Variants in DNM3 observed in about 807,000 individuals in gnomAD.
DNM3 encodes dynamin-3.
A neutral mutation model predicts 101.6 loss-of-function variants in DNM3; 47 were observed. The observed-to-expected ratio is 0.46, with a 90% CI of 0.37 to 0.59. The LOEUF is 0.59. DNM3 is among the 20% of genes least tolerant of loss of function. The pLI, the probability that DNM3 is intolerant of heterozygous loss-of-function variation, is 0.00. For missense variants in DNM3, 849 were observed against 1,085.7 expected, an observed-to-expected ratio of 0.78 and a Z score of 3.06; for synonymous variants, 385 against 387.9, an observed-to-expected ratio of 0.99 and a Z score of 0.09.
At chr1:172,342,083 C>A (rs1301877297) in intron 17 of DNM3, among the ~76,000 whole-genome samples, 3 of 151,884 alleles carry the variant, frequency 2.0e-5, no homozygotes, top group African/African-American at 7.3e-5. Flanking sequence ...GTCAGTATGG[C>A]TACTATTAAA....
At chr1:172,383,197 G>A (rs1309532241) in intron 18 of DNM3, among the ~76,000 whole-genome samples, 4 of 151,900 alleles carry the variant, frequency 2.6e-5, no homozygotes, top group South Asian at 2.1e-4. Context: ...ATTGCTCCCC[G>A]CCAAGGCTAA....
intron 4 of DNM3, among the ~76,000 whole-genome samples, chr1:172,026,665 T>G (rs1169431067): frequency 1.3e-5 from 2 of 151,760 alleles, no homozygotes; most frequent in Non-Finnish European, 2.9e-5. Flanking sequence ...CATGCTTTTT[T>G]TTTTTTTGAG....
chr1:172,196,073 A>G (rs999709917), intron 14 of DNM3, among the ~76,000 whole-genome samples: 5 of 151,562 alleles, frequency 3.3e-5, no homozygotes, highest in African/African-American at 1.2e-4. Flanking sequence ...TCCACCCTCA[A>G]GTAGACCCAG....
intron 1 of DNM3, among the ~76,000 whole-genome samples, chr1:171,909,346 T>A (rs775231324): frequency 4.0e-5 from 6 of 151,594 alleles, no homozygotes; most frequent in Admixed American, 6.6e-5. Context: ...GGTGGGAGAA[T>A]TGCTTGAGTC....
At chr1:171,946,657 T>C (rs2125436534) in intron 2 of DNM3, among the ~76,000 whole-genome samples, 1 of 152,294 alleles carries the variant, frequency 6.6e-6, no homozygotes, top group South Asian at 2.1e-4. Flanking sequence ...GGCTGGATAA[T>C]ATATAAAGGA....
chr1:171,953,380 G>A (rs1311125434), intron 2 of DNM3, among the ~76,000 whole-genome samples: 1 of 150,990 alleles, frequency 6.6e-6, no homozygotes, highest in Non-Finnish European at 1.5e-5. Flanking sequence ...TTAAATAGAT[G>A]AGAACTTAGG....
At chr1:171,857,258 T>C (rs1310543552) in intron 1 of DNM3, among the ~76,000 whole-genome samples, 1 of 152,160 alleles carries the variant, frequency 6.6e-6, no homozygotes, top group Admixed American at 6.6e-5. Flanking sequence ...ACATCTGAGG[T>C]ACCAGTGGGG....
At chr1:172,415,524 G>GTTTTTTTTTTTTTTTTTTTTTTTTTT (rs386368747), downstream of DNM3, 1 of 99,130 alleles carries the variant, frequency 1.0e-5, no homozygotes, top group African/African-American at 4.1e-5. Flanking sequence ...TTTTTTGTGA[G>GTTTTTTTTTTTTTTTTTTTTTTTTTT]TTTTTTTTTT....
chr1:172,205,582 C>G (rs923054413), intron 14 of DNM3, among the ~76,000 whole-genome samples: 6 of 151,926 alleles, frequency 3.9e-5, no homozygotes, highest in African/African-American at 1.4e-4. Flanking sequence ...TTTTCCAAAA[C>G]AAAACAAAAT....
At chr1:172,169,034 T>G (rs1442602981) in intron 14 of DNM3, among the ~76,000 whole-genome samples, 1 of 151,950 alleles carries the variant, frequency 6.6e-6, no homozygotes, top group African/African-American at 2.4e-5. Context: ...AAAATAGTAG[T>G]AGTCTTTGGA....
At chr1:172,137,453 A>G (rs896249762) in intron 14 of DNM3, 24 of 152,150 alleles carry the variant, frequency 1.6e-4, no homozygotes, top group Admixed American at 1.6e-3. Flanking sequence ...TGTGCTTTGT[A>G]GTTTTGCCCC....
chr1:172,390,094 G>A (rs1421719834), intron 20 of DNM3, among the ~76,000 whole-genome samples: 1 of 152,158 alleles, frequency 6.6e-6, no homozygotes, highest in Non-Finnish European at 1.5e-5. Flanking sequence ...TTGGTCCTAA[G>A]CAAAGAGGAT....
intron 13 of DNM3, among the ~76,000 whole-genome samples, chr1:172,128,996 G>A (rs892096594): frequency 6.6e-6 from 1 of 152,104 alleles, no homozygotes; most frequent in African/African-American, 2.4e-5. Flanking sequence ...CTACTGATAC[G>A]TAGTTTTAAC....
chr1:171,905,623 T>A (rs1457266391), intron 1 of DNM3, among the ~76,000 whole-genome samples: 2 of 152,152 alleles, frequency 1.3e-5, no homozygotes, highest in African/African-American at 4.8e-5. Context: ...AATATTTACT[T>A]CATGTAAGAC....
chr1:172,363,506 C>T (rs1431854902), intron 17 of DNM3, among the ~76,000 whole-genome samples: 1 of 151,832 alleles, frequency 6.6e-6, no homozygotes, highest in Non-Finnish European at 1.5e-5. Context: ...CTTGAGAATG[C>T]CTTTATGATC....
chr1:172,103,729 G>A (rs546900786), intron 13 of DNM3, among the ~76,000 whole-genome samples: 33 of 152,296 alleles, frequency 2.2e-4, no homozygotes, highest in South Asian at 4.1e-4. Context: ...GAGGCCAGGC[G>A]CGGCGGCTCA....
chr1:172,050,380 T>C (rs1164028938), intron 10 of DNM3, among the ~76,000 whole-genome samples: 1 of 152,224 alleles, frequency 6.6e-6, no homozygotes, highest in Non-Finnish European at 1.5e-5. Flanking sequence ...CCACCAATTA[T>C]CCTGTCTTCT....
rs12093751 is a variant in DNM3, at chr1:171,941,136, G to T, written c.235+19315G>T. 8.8e-3 allele frequency among the ~76,000 whole-genome samples: 1,341 copies of T among 152,126 alleles called. 16 individuals carry two copies. The highest frequency in any genetic ancestry group is 0.03 in the African/African-American group (1,259 of 41,508). On this transcript the variant is annotated intron_variant, in intron 2 of 20. Transcript: ENST00000627582. ...GATTACCTTTCCTCATGTGAAAGCT[G>T]CATTTTTTTAGGTTTCTGAAGGATA...
Position 171,972,869 on chromosome 1 carries a change from A to C in DNM3, c.236-14787A>C, listed in dbSNP as rs200082088. ...CATCTCAAAAACAAACAAAAAACAAAAACAACAACAACAACAACAACAAAA... is the reference window on the plus strand; with the variant it reads ...CATCTCAAAAACAAACAAAAAACAACAACAACAACAACAACAACAACAAAA... On this transcript the variant is annotated intron_variant, in intron 2 of 20. Transcript: ENST00000627582. Among the ~76,000 whole-genome samples, 1,134 of 151,210 alleles carry C rather than the reference A, an allele frequency of 7.5e-3. 16 individuals carry two copies. The highest frequency in any genetic ancestry group is 0.025 in the African/African-American group (1,029 of 41,246).
Sources: allele counts gnomAD v4.1 joint callset (sites outside exome capture counted in the v4.1 genomes callset), GRCh38; gene constraint gnomAD v4.1.1; transcripts MANE v1.5; gene names NCBI Gene and HGNC (gene_info 2026-07-23, HGNC 2026-07-21).